CREB3: variants seen among roughly 807,000 people sequenced by gnomAD.
CREB3 encodes the protein cyclic AMP-responsive element-binding protein 3.
A neutral mutation model predicts 34.5 loss-of-function variants in CREB3; 29 were observed. That is an observed-to-expected ratio of 0.84 (90% CI 0.63 to 1.15). CREB3 has a LOEUF of 1.15. Among genes scored for constraint, CREB3 ranks in the 50% most tolerant of loss-of-function variants. The probability of loss-of-function intolerance (pLI) is 0.00; values close to 1 mark genes in which losing one functional copy is unlikely to be tolerated. For synonymous variants in CREB3, 187 were observed against 173.9 expected, an observed-to-expected ratio of 1.08 and a Z score of -0.59; for missense variants, 447 against 443.4, an observed-to-expected ratio of 1.01 and a Z score of -0.07.
rs755657134 is a variant in CREB3, at chr9:35,735,385, C to T, written c.611+11C>T. 10 of 1,609,412 alleles carry T rather than the reference C, an allele frequency of 6.2e-6. No homozygotes were observed. Among genetic ancestry groups the T allele is most frequent in the Non-Finnish European group, 8.5e-6 (10 of 1,175,792 alleles). On this transcript the variant is annotated intron_variant, in intron 6 of 8. Transcript: ENST00000353704. The stretch of plus-strand genomic sequence containing the variant: ...GGAGGAACAGAATTTGTAAGTATCC[C>T]TCCAAACCATTCCCTTCCTATGCCC...
Position 35,734,628 on chromosome 9 carries a change from T to G in CREB3, c.436-481T>G, listed in dbSNP as rs559146655. Reference sequence around the variant, plus strand: ...GCTTGTTTGAAGACAGGTTCTTGCTTTATTGCCCAGGTTGGAGAATAGTGG... The same window carrying G: ...GCTTGTTTGAAGACAGGTTCTTGCTGTATTGCCCAGGTTGGAGAATAGTGG... On this transcript the variant is annotated intron_variant, in intron 4 of 8. Coordinates refer to ENST00000353704, the MANE Select transcript of CREB3 (RefSeq NM_006368.5). Among the ~76,000 whole-genome samples the G allele has an allele frequency of 7.9e-5, 12 of 152,268 alleles. No individual in the cohort carries two copies. In the East Asian group the frequency reaches 2.3e-3, roughly 29 times the overall value.
intron 6 of CREB3, 41 bp from the exon 7 acceptor site, chr9:35,736,007 A>G (rs772668847): frequency 1.3e-5 from 19 of 1,483,126 alleles, no homozygotes; most frequent in Non-Finnish European, 1.6e-5. Flanking sequence ...TCAGGATGCT[A>G]GGCCAGGGGA....
intron 5 of CREB3, 40 bp downstream of exon 5, chr9:35,735,255 T>G: frequency 1.9e-6 from 3 of 1,613,024 alleles, no homozygotes; most frequent in Non-Finnish European, 1.7e-6. Context: ...GTATTAGGTT[T>G]TTGAAGGGAG....
At position 35,733,234 on chromosome 9, in the gene CREB3, A is replaced by G; in HGVS notation, c.297A>G (p.Lys99=). 1 of 1,614,182 alleles carries G rather than the reference A, an allele frequency of 6.2e-7. No individual in the cohort carries two copies. The highest frequency in any genetic ancestry group is 8.5e-7 in the Non-Finnish European group (1 of 1,180,028). ...SMDLESESCR[K]EGTQMTPQHM... ...TTGCAGAGAGTGAGAGCTGTAGAAAAGAGGGGACCCAGATGACTCCACAGC... is the reference window on the plus strand; with the variant it reads ...TTGCAGAGAGTGAGAGCTGTAGAAAGGAGGGGACCCAGATGACTCCACAGC... Residue 99 remains lysine, a synonymous_variant, in exon 3 of 9, where the codon AAA becomes AAG. Transcript: ENST00000353704.
rs772770470 is a variant in CREB3 at position 35,733,195 on chromosome 9, T to A, written c.278-20T>A. The stretch of plus-strand genomic sequence containing the variant: ...GGACAGGGTTCATGGGCCTGGCTAT[T>A]CATACTTTCCCTTTTGCAGAGAGTG... On this transcript the variant is annotated intron_variant, in intron 2 of 8. Transcript: ENST00000353704. The A allele has an allele frequency of 6.2e-7, 1 of 1,614,214 alleles. No individual in the cohort carries two copies.
chr9:35,735,980 A>T, intron 6 of CREB3, 68 bp from the exon 7 acceptor site: 1 of 1,211,798 alleles, frequency 8.3e-7, no homozygotes, highest in Non-Finnish European at 1.2e-6. Context: ...TGGCCTGAAC[A>T]GGAGTTTCAC....
chr9:35,732,908 T>C lies in CREB3; in HGVS notation c.129+7T>C, dbSNP rs1826116528. On this transcript the variant is annotated splice_region_variant and intron_variant, in intron 1 of 8. Transcript: ENST00000353704. This position sits in a 1 kb window ranked among gnomAD's most constrained non-coding sequence, Gnocchi z 5.1. ...GGCGCTGCCGCTTTCTGAGGTAGGT[T>C]GGGGTTCTGACTGGGGAAAGCGTGG... is the stretch of plus-strand genomic sequence containing the variant. 2 of 1,613,480 alleles carry C rather than the reference T, an allele frequency of 1.2e-6. No individual in the cohort carries two copies. Among genetic ancestry groups the C allele is most frequent in the Admixed American group, 1.7e-5 (1 of 59,902 alleles).
chr9:35,736,589 T>C lies in CREB3; in HGVS notation c.979T>C (p.Trp327Arg). Reference protein sequence around the residue: ...QAPSAEPPLEWPFPDLFSEPL... With the variant: ...QAPSAEPPLERPFPDLFSEPL... Reference sequence around the variant, plus strand: ...TCCCAGTGCAGAGCCTCCCCTGGAGTGGCCATTCCCTGACCTCTTCTCAGA... The same window carrying C: ...TCCCAGTGCAGAGCCTCCCCTGGAGCGGCCATTCCCTGACCTCTTCTCAGA... Residue 327 changes from tryptophan to arginine, a missense_variant, in exon 9 of 9, where the codon TGG (tryptophan) becomes CGG (arginine). Transcript: ENST00000353704. 1.2e-6 allele frequency: 2 copies of C among 1,613,980 alleles called. No homozygotes were observed. Among genetic ancestry groups the C allele is most frequent in the Non-Finnish European group, 1.7e-6 (2 of 1,179,986 alleles).
intron 6 of CREB3, among the ~76,000 whole-genome samples, 192 bp downstream of exon 6, chr9:35,735,566 G>A (rs923918791): frequency 3.3e-5 from 5 of 152,210 alleles, no homozygotes; most frequent in Non-Finnish European, 7.3e-5. Context: ...AAAAGAAAGG[G>A]GGTAAGAAAG....
chr9:35,733,550 G>A (rs1826135765), intron 4 of CREB3, 65 bp downstream of exon 4: 1 of 1,094,694 alleles, frequency 9.1e-7, no homozygotes, highest in South Asian at 1.3e-5. Context: ...GGCAAATTCT[G>A]TTAACTTTAT....
rs1224613666 is a variant in CREB3 at position 35,736,383 on chromosome 9, T to C, written c.782-9T>C. Reference sequence around the variant, plus strand: ...TGGGTTGGCCTCTGAAGATTCTTTGTCTCCTCAGTGTTGTCCCGCCAGCTT... The same window carrying C: ...TGGGTTGGCCTCTGAAGATTCTTTGCCTCCTCAGTGTTGTCCCGCCAGCTT... On this transcript the variant is annotated splice_polypyrimidine_tract_variant and intron_variant, in intron 8 of 8. Transcript: ENST00000353704. 3 of 1,613,192 alleles carry C rather than the reference T, an allele frequency of 1.9e-6. No individual in the cohort carries two copies. In the East Asian group the frequency reaches 6.7e-5, roughly 36 times the overall value.
chr9:35,735,492 C>G (rs992580004), intron 6 of CREB3, 118 bp downstream of exon 6: 8 of 851,314 alleles, frequency 9.4e-6, no homozygotes, highest in African/African-American at 6.7e-5. Flanking sequence ...GTCTCTGATT[C>G]CAAGAAGCTC....
In CREB3 at chr9:35,736,082, A is replaced by G; in HGVS notation, c.646A>G (p.Met216Val). Reference protein sequence around the residue: ...LLDQLRKLQAMVIEISNKTSS... With the variant: ...LLDQLRKLQAVVIEISNKTSS... ...AGATCAACTGAGGAAACTCCAGGCC[A>G]TGGTGATTGAGATATCAAACAAAAC... is the stretch of plus-strand genomic sequence containing the variant. Residue 216 changes from methionine (M) to valine (V), a missense_variant, in exon 7 of 9, where the codon ATG (methionine) becomes GTG (valine). By Grantham distance (21) the Met-to-Val change is conservative. Coordinates refer to ENST00000353704, the MANE Select transcript of CREB3 (RefSeq NM_006368.5). The G allele has an allele frequency of 6.2e-7, 1 of 1,614,108 alleles. No homozygotes were observed. The highest frequency in any genetic ancestry group is 8.5e-7 in the Non-Finnish European group (1 of 1,179,992).
At chr9:35,733,751 A>G (rs138811558) in intron 4 of CREB3, among the ~76,000 whole-genome samples, 72 of 152,316 alleles carry the variant, frequency 4.7e-4, no homozygotes, top group African/African-American at 1.7e-3. Flanking sequence ...GGGCCTTGGA[A>G]AGGACTGTGT....
chr9:35,733,221 A>G lies in CREB3; in HGVS notation c.284A>G (p.Glu95Gly). The G allele has an allele frequency of 4.3e-6, 7 of 1,614,194 alleles. No homozygotes were observed. The highest frequency in any genetic ancestry group is 5.9e-6 in the Non-Finnish European group (7 of 1,180,040). ...CATACTTTCCCTTTTGCAGAGAGTG[A>G]GAGCTGTAGAAAAGAGGGGACCCAG... ...RETVSMDLES[E>G]SCRKEGTQMT... The change falls in exon 3 of 9, where the codon GAG becomes GGG. Residue 95 changes from glutamate to glycine, a missense_variant. Transcript: ENST00000353704.
chr9:35,735,719 G>A (rs1354781220), intron 6 of CREB3, among the ~76,000 whole-genome samples: 1 of 152,196 alleles, frequency 6.6e-6, no homozygotes, highest in Non-Finnish European at 1.5e-5. Flanking sequence ...AGCTGGGACA[G>A]AAGGTAGAGA....
chr9:35,736,486 C>T lies in CREB3; in HGVS notation c.876C>T (p.His292=). ...CAGAAGTGCCGAAAGACAGCACACA[C>T]CAGTGGTTGGACGGCTCAGACTGTG... is the stretch of plus-strand genomic sequence containing the variant. ...LQSEVPKDST[H]QWLDGSDCVL... The change falls in exon 9 of 9, where the codon CAC becomes CAT. Residue 292 remains histidine (H), a synonymous_variant. Coordinates refer to ENST00000353704, the MANE Select transcript of CREB3 (RefSeq NM_006368.5). 6.2e-7 allele frequency: 1 copy of T among 1,614,196 alleles called. No individual in the cohort carries two copies. Among genetic ancestry groups the T allele is most frequent in the Non-Finnish European group, 8.5e-7 (1 of 1,180,038 alleles).
chr9:35,735,934 A>G, intron 6 of CREB3, 114 bp from the exon 7 acceptor site: 1 of 768,806 alleles, frequency 1.3e-6, no homozygotes, highest in Non-Finnish European at 2.2e-6. Context: ...TAGAATGAAA[A>G]GTAAGAGAGA....
In CREB3 at chr9:35,733,403, C is replaced by T; in HGVS notation, c.353C>T (p.Ala118Val). Residue 118 changes from alanine to valine, a missense_variant, in exon 4 of 9, where the codon GCT (alanine) becomes GTT (valine). By Grantham distance (64) the Ala-to-Val change is moderately conservative (BLOSUM62 0). Transcript: ENST00000353704. Reference sequence around the variant, plus strand: ...ACTTTCTTGTTACCCTAGGAGATTGCTAGGCTAGTACTGACAGATGAGGAG... The same window carrying T: ...ACTTTCTTGTTACCCTAGGAGATTGTTAGGCTAGTACTGACAGATGAGGAG... Reference protein sequence around the residue: ...HMEELAEQEIARLVLTDEEKS... With the variant: ...HMEELAEQEIVRLVLTDEEKS... 1 of 1,613,622 alleles carries T rather than the reference C, an allele frequency of 6.2e-7. No individual in the cohort carries two copies. Among genetic ancestry groups the T allele is most frequent in the Non-Finnish European group, 8.5e-7 (1 of 1,179,566 alleles).
Sources: gnomAD v4.1 joint callset for allele counts (sites outside exome capture counted in the v4.1 genomes callset) on GRCh38, gnomAD v4.1.1 for gene constraint, Gnocchi (gnomAD v3.1) non-coding constraint, MANE v1.5 for transcripts, NCBI Gene and HGNC (gene_info 2026-07-23, HGNC 2026-07-21) for gene names.